The following EXOC6 variants were observed in gnomAD, a reference collection of about 807,000 sequenced individuals.
EXOC6 encodes the protein SEC15-like 1.
In EXOC6, 60 loss-of-function variants were observed where a neutral mutation model predicts 112.5. The ratio of observed to expected loss-of-function variants is 0.53; its 90% CI spans 0.43 to 0.66. The LOEUF (loss-of-function observed/expected upper bound fraction) is 0.66. EXOC6 is among the 30% of genes least tolerant of loss of function. The probability of loss-of-function intolerance (pLI) is 0.00; values close to 1 mark genes in which losing one functional copy is unlikely to be tolerated. For missense variants in EXOC6, 855 were observed against 957.1 expected (o/e 0.89, Z 1.41); for synonymous variants, 295 against 308.0 (o/e 0.96, Z 0.44).
At chr10:92,975,872 G>A (rs1842560298) in intron 18 of EXOC6, among the ~76,000 whole-genome samples, 2 of 141,746 alleles carry the variant, frequency 1.4e-5, no homozygotes, top group Non-Finnish European at 3.1e-5. Context: ...CTACTGGGAA[G>A]TGAGGAGCCC....
chr10:92,976,938 T>C (rs1051451055), intron 18 of EXOC6, among the ~76,000 whole-genome samples: 6 of 152,316 alleles, frequency 3.9e-5, no homozygotes, highest in Middle Eastern at 3.4e-3. Context: ...TATGGTGGGA[T>C]GAACATACTC....
intron 8 of EXOC6, among the ~76,000 whole-genome samples, chr10:92,921,537 C>G (rs180891729): frequency 1.3e-5 from 2 of 152,042 alleles, no homozygotes; most frequent in Non-Finnish European, 2.9e-5. Context: ...TGTGAGCCAC[C>G]TAGCCCAGCC....
At chr10:93,056,212 T>G (rs1452364099) in intron 20 of EXOC6, among the ~76,000 whole-genome samples, 2 of 152,208 alleles carry the variant, frequency 1.3e-5, no homozygotes, top group Non-Finnish European at 1.5e-5. Flanking sequence ...AAAAGATTAC[T>G]TCCATATTTG....
intron 7 of EXOC6, among the ~76,000 whole-genome samples, chr10:92,916,769 T>G (rs1001702371): frequency 1.2e-4 from 18 of 152,128 alleles, no homozygotes; most frequent in Admixed American, 1.0e-3. Context: ...CTCAAATAAA[T>G]TTTTTTGCTA....
chr10:92,910,384 T>C, intron 6 of EXOC6, among the ~76,000 whole-genome samples: 1 of 152,186 alleles, frequency 6.6e-6, no homozygotes, highest in East Asian at 1.9e-4. Context: ...AGGCACAAAC[T>C]GTGTGATTCC....
intron 7 of EXOC6, among the ~76,000 whole-genome samples, chr10:92,918,956 G>A (rs990026683): frequency 2.0e-5 from 3 of 152,146 alleles, no homozygotes; most frequent in Non-Finnish European, 4.4e-5. Flanking sequence ...TCCTAATGTG[G>A]AATTAGTATG....
At chr10:92,852,205 A>G (rs2133633511) in intron 1 of EXOC6, among the ~76,000 whole-genome samples, 1 of 152,358 alleles carries the variant, frequency 6.6e-6, no homozygotes, top group Non-Finnish European at 1.5e-5. Context: ...CCCTGTATCA[A>G]TTAAAGAAAG....
intron 19 of EXOC6, among the ~76,000 whole-genome samples, chr10:93,010,142 C>T (rs1039516860): frequency 6.6e-6 from 1 of 152,176 alleles, no homozygotes. Flanking sequence ...GAATCAATAG[C>T]ATATCATTAC....
intron 17 of EXOC6, among the ~76,000 whole-genome samples, chr10:92,964,637 A>G (rs1415634128): frequency 6.6e-6 from 1 of 152,216 alleles, no homozygotes; most frequent in East Asian, 1.9e-4. Flanking sequence ...ATTATAAGAT[A>G]GTTGTATTAA....
chr10:92,950,776 G>A (rs576653789), intron 14 of EXOC6, among the ~76,000 whole-genome samples: 163 of 152,258 alleles, frequency 1.1e-3, no homozygotes, highest in South Asian at 2.7e-3. Flanking sequence ...AATTTTAAGT[G>A]GTAAAAACAT....
At chr10:92,948,126 G>T (rs191438335) in intron 13 of EXOC6, 148 bp from the exon 14 acceptor site, 16 of 507,580 alleles carry the variant, frequency 3.2e-5, no homozygotes, top group African/African-American at 3.1e-4. Context: ...TAGAATTCTG[G>T]ATGCTTAGGC....
intron 9 of EXOC6, among the ~76,000 whole-genome samples, chr10:92,930,667 G>A (rs546477185): frequency 1.6e-3 from 245 of 151,968 alleles, no homozygotes; most frequent in African/African-American, 5.7e-3. Flanking sequence ...AGTTAAAATT[G>A]TAAACTTTTA....
At chr10:92,907,572 T>C (rs1324837707) in intron 5 of EXOC6, among the ~76,000 whole-genome samples, 1 of 152,220 alleles carries the variant, frequency 6.6e-6, no homozygotes, top group African/African-American at 2.4e-5. Context: ...TTTTCATTTA[T>C]TCTGCATCAC....
intron 19 of EXOC6, among the ~76,000 whole-genome samples, chr10:93,010,819 C>A (rs1412862635): frequency 6.6e-6 from 1 of 151,928 alleles, no homozygotes. Context: ...CCATCATCTG[C>A]ATGCCCTATT....
intron 14 of EXOC6, among the ~76,000 whole-genome samples, 194 bp downstream of exon 14, chr10:92,948,573 CACTACTACTACT>C (rs71028860): frequency 8.6e-5 from 12 of 140,184 alleles, no homozygotes; most frequent in East Asian, 2.1e-4. Context: ...CTACTACTAC[CACTACTACTACT>C]ACTACTACTA....
At chr10:92,908,236 G>A (rs1013211637) in intron 5 of EXOC6, among the ~76,000 whole-genome samples, 15 of 151,622 alleles carry the variant, frequency 9.9e-5, no homozygotes, top group African/African-American at 3.6e-4. Context: ...TATATTTTTA[G>A]TAGGGACAGA....
chr10:93,020,036 G>GTA (rs1844709260), intron 20 of EXOC6, among the ~76,000 whole-genome samples: 1 of 152,022 alleles, frequency 6.6e-6, no homozygotes, highest in African/African-American at 2.4e-5. Flanking sequence ...ATTGGTCCTA[G>GTA]TATAATTTGT....
intron 20 of EXOC6, among the ~76,000 whole-genome samples, chr10:93,056,053 A>G (rs1846525700): frequency 6.6e-6 from 1 of 152,216 alleles, no homozygotes; most frequent in African/African-American, 2.4e-5. Flanking sequence ...AGAATATAAA[A>G]ACTAAAGGAA....
chr10:93,016,979 AT>A (rs139103654), intron 20 of EXOC6, among the ~76,000 whole-genome samples: 2 of 151,026 alleles, frequency 1.3e-5, no homozygotes, highest in East Asian at 2.0e-4. Context: ...AGCCCAGCTA[AT>A]TTTTTTTGTA....
Sources: gnomAD v4.1 joint callset for allele counts (sites outside exome capture counted in the v4.1 genomes callset) on GRCh38, gnomAD v4.1.1 for gene constraint, MANE v1.5 for transcripts, NCBI Gene and HGNC (gene_info 2026-07-23, HGNC 2026-07-21) for gene names.